The following MEIS2 variants were observed in gnomAD, a reference collection of about 807,000 sequenced individuals.
MEIS2 encodes Meis homeobox 2, also known as homeobox protein Meis2.
A neutral mutation model predicts 58.6 loss-of-function variants in MEIS2; 9 were observed. The observed-to-expected ratio is 0.15, with a 90% confidence interval of 0.09 to 0.27. The LOEUF is 0.27. MEIS2 is among the 10% of genes least tolerant of loss of function. The pLI is 1.00. For missense variants in MEIS2, 427 were observed against 635.0 expected, an observed-to-expected ratio of 0.67 and a Z score of 3.52; for synonymous variants, 221 against 228.4, an observed-to-expected ratio of 0.97 and a Z score of 0.29.
chr15:37,090,795 C>T (rs550273939), intron 6 of MEIS2, among the ~76,000 whole-genome samples: 6 of 152,216 alleles, frequency 3.9e-5, no homozygotes, highest in African/African-American at 1.4e-4. Context: ...CCTTGGCATA[C>T]AACAAATTAA....
intron 7 of MEIS2, among the ~76,000 whole-genome samples, chr15:37,045,618 G>A (rs66798345): frequency 0.3 from 45,959 of 151,988 alleles, 7,621 homozygotes; most frequent in Middle Eastern, 0.43. Context: ...CATCAGATCA[G>A]TTGAGGGGAG....
chr15:37,027,959 A>G (rs2061764568), intron 8 of MEIS2, among the ~76,000 whole-genome samples: 1 of 152,176 alleles, frequency 6.6e-6, no homozygotes. Context: ...CCCAGAGTCC[A>G]TACTTTCCAT....
intron 8 of MEIS2, among the ~76,000 whole-genome samples, chr15:36,958,687 A>G (rs1196283051): frequency 6.6e-6 from 1 of 152,200 alleles, no homozygotes; most frequent in Non-Finnish European, 1.5e-5. Flanking sequence ...ACAGAAATAT[A>G]TTCCCAAGGC....
At position 37,020,337 on chromosome 15, in the gene MEIS2, G is replaced by A. The variant is rs532160471; in HGVS notation, c.900+16477C>T. On this transcript the variant is annotated intron_variant, in intron 8 of 11. Coordinates refer to ENST00000561208, the MANE Select transcript of MEIS2 (RefSeq NM_170675.5). The stretch of plus-strand genomic sequence containing the variant: ...CTAAAACCCAACCAAAGAAGGAAAA[G>A]AAAGAGAGGAAAAAAATCCTGAAAA... 4.1e-4 allele frequency among the ~76,000 whole-genome samples: 62 copies of A among 152,180 alleles called. 1 individual carries two copies. The South Asian group carries it at 7.3e-3, about 18-fold the overall frequency.
Position 36,986,568 on chromosome 15 carries a change from C to A in MEIS2, c.901-36168G>T, listed in dbSNP as rs144246713. 1.5e-3 allele frequency among the ~76,000 whole-genome samples: 221 copies of A among 152,298 alleles called. 1 individual carries two copies. Among genetic ancestry groups the A allele is most frequent in the South Asian group, 9.7e-3 (47 of 4,826 alleles). ...TCAACTTCATTACTCTCACGGGTATCACAAGTAGTCTGGCAGTTCTCTCCT... is the reference window on the plus strand; with the variant it reads ...TCAACTTCATTACTCTCACGGGTATAACAAGTAGTCTGGCAGTTCTCTCCT... On this transcript the variant is annotated intron_variant, in intron 8 of 11. Coordinates refer to ENST00000561208, the MANE Select transcript of MEIS2 (RefSeq NM_170675.5).
At chr15:37,075,258 CATAAT>C (rs2141886705) in intron 7 of MEIS2, among the ~76,000 whole-genome samples, 1 of 152,040 alleles carries the variant, frequency 6.6e-6, no homozygotes, top group Admixed American at 6.6e-5. Context: ...ACCATATGCA[CATAAT>C]ATAAGACATT....
In MEIS2 at chr15:37,077,061, A is replaced by C. The variant is rs189881902; in HGVS notation, c.754+6710T>G. Among the ~76,000 whole-genome samples the C allele has an allele frequency of 2.7e-3, 413 of 152,234 alleles. 3 individuals carry two copies. The highest frequency in any genetic ancestry group is 4.2e-3 in the Non-Finnish European group (286 of 67,996). ...ACTCAGTCGTGAAATGATTGGTTGAAAATTACCTTGCTTATTAGCAGGATT... is the reference window on the plus strand; with the variant it reads ...ACTCAGTCGTGAAATGATTGGTTGACAATTACCTTGCTTATTAGCAGGATT... On this transcript the variant is annotated intron_variant, in intron 7 of 11. Coordinates refer to ENST00000561208, the MANE Select transcript of MEIS2 (RefSeq NM_170675.5).
At chr15:37,055,210 GT>G (rs1158276770) in intron 7 of MEIS2, among the ~76,000 whole-genome samples, 1 of 152,136 alleles carries the variant, frequency 6.6e-6, no homozygotes, top group Non-Finnish European at 1.5e-5. Context: ...ACCCTATTGA[GT>G]AATTCATGCC....
At chr15:36,906,437 T>G (rs534877407) in intron 9 of MEIS2, among the ~76,000 whole-genome samples, 95 of 151,886 alleles carry the variant, frequency 6.3e-4, no homozygotes, top group Admixed American at 5.7e-3. Context: ...AAATTAAACT[T>G]AGATGAAAAA....
At chr15:37,008,449 G>T (rs1348446071) in intron 8 of MEIS2, among the ~76,000 whole-genome samples, 5 of 152,178 alleles carry the variant, frequency 3.3e-5, no homozygotes, top group African/African-American at 7.2e-5. Context: ...AATGAAGTCT[G>T]CCATTTGAGA....
intron 9 of MEIS2, among the ~76,000 whole-genome samples, chr15:36,911,637 A>G (rs1488306745): frequency 6.6e-6 from 1 of 152,168 alleles, no homozygotes; most frequent in Admixed American, 6.5e-5. Flanking sequence ...GTTAAACACC[A>G]CCTGCCTGCC....
At chr15:37,050,269 C>A (rs2062858437) in intron 7 of MEIS2, among the ~76,000 whole-genome samples, 1 of 151,962 alleles carries the variant, frequency 6.6e-6, no homozygotes, top group African/African-American at 2.4e-5. Flanking sequence ...AGTCAAAAAC[C>A]ATATCTCTTT....
intron 7 of MEIS2, among the ~76,000 whole-genome samples, chr15:37,060,231 T>C (rs963070607): frequency 1.3e-5 from 2 of 152,100 alleles, no homozygotes; most frequent in African/African-American, 4.8e-5. Context: ...ATGAGCAAAC[T>C]CTCTAAGAGT....
At chr15:36,922,549 T>G (rs1270405560) in intron 9 of MEIS2, among the ~76,000 whole-genome samples, 2 of 151,668 alleles carry the variant, frequency 1.3e-5, no homozygotes, top group Non-Finnish European at 2.9e-5. Flanking sequence ...GAGGAGTATC[T>G]ACCTCTACTC....
chr15:36,923,864 C>T (rs192970347), intron 9 of MEIS2, among the ~76,000 whole-genome samples: 58 of 152,302 alleles, frequency 3.8e-4, no homozygotes, highest in African/African-American at 1.3e-3. Flanking sequence ...TCACCTCCCT[C>T]CATACAGGTT....
chr15:37,035,166 T>C (rs1465120730), intron 8 of MEIS2, among the ~76,000 whole-genome samples: 1 of 152,182 alleles, frequency 6.6e-6, no homozygotes, highest in Non-Finnish European at 1.5e-5. Flanking sequence ...GCAGCTACAC[T>C]GCCGTTCTTA....
In MEIS2 at chr15:36,930,634, C is replaced by T. The variant is rs2141329523; in HGVS notation, c.977+19690G>A. On this transcript the variant is annotated intron_variant, in intron 9 of 11. Coordinates refer to ENST00000561208, the MANE Select transcript of MEIS2 (RefSeq NM_170675.5). ...TAAAAGTAGCCCATTAAAAGAATTT[C>T]CAACTTGTTTCTGAAGTCATAAGCA... 2.0e-5 allele frequency among the ~76,000 whole-genome samples: 3 copies of T among 151,992 alleles called. No individual in the cohort carries two copies. In the Middle Eastern group the frequency reaches 0.01, roughly 517 times the overall value.
chr15:37,099,252 A>G, intron 1 of MEIS2: 1 of 1,440,336 alleles, frequency 6.9e-7, no homozygotes, highest in Non-Finnish European at 9.1e-7. Flanking sequence ...AGACACGCAC[A>G]CACGCACGCA....
intron 9 of MEIS2, among the ~76,000 whole-genome samples, chr15:36,943,443 A>G (rs1438454932): frequency 1.3e-5 from 2 of 152,164 alleles, no homozygotes; most frequent in African/African-American, 4.8e-5. Flanking sequence ...TCAAATATCA[A>G]AAAGGGTCTA....
Sources: gnomAD v4.1 joint callset for allele counts (sites outside exome capture counted in the v4.1 genomes callset) on GRCh38, gnomAD v4.1.1 for gene constraint, MANE v1.5 for transcripts, NCBI Gene and HGNC (gene_info 2026-07-23, HGNC 2026-07-21) for gene names.